Variants in CSMD1 observed in about 807,000 individuals in gnomAD.
CSMD1 encodes CUB and sushi domain-containing protein 1.
Under a neutral mutation model 417.5 loss-of-function variants are expected in CSMD1, and 213 were observed. The observed-to-expected ratio is 0.51, with a 90% CI of 0.46 to 0.57. The LOEUF (loss-of-function observed/expected upper bound fraction) is 0.57. Among genes scored for constraint, CSMD1 ranks in the 20% least tolerant of loss-of-function variants. The probability of loss-of-function intolerance (pLI) is 0.00; values close to 1 mark genes in which losing one functional copy is unlikely to be tolerated. For synonymous variants in CSMD1, 2,862 were observed against 1,736.8 expected (o/e 1.65, Z -16.11); for missense variants, 6,923 against 4,529.7 (o/e 1.53, Z -15.17).
chr8:3,097,250 C>G (rs569136243), intron 46 of CSMD1, among the ~76,000 whole-genome samples: 1 of 152,174 alleles, frequency 6.6e-6, no homozygotes, highest in South Asian at 2.1e-4. Flanking sequence ...TCTCTACACT[C>G]AGCCTGCACA....
rs367650533 is a variant in CSMD1 at position 3,556,392 on chromosome 8, AAT to A, written c.1344+18551_1344+18552del. Among the ~76,000 whole-genome samples, 503 of 120,424 alleles carry A rather than the reference AAT, an allele frequency of 4.2e-3. 17 individuals carry two copies. The highest frequency in any genetic ancestry group is 8.7e-3 in the African/African-American group (264 of 30,428). 79.0% of individuals were successfully genotyped at this position (120,424 alleles called of 152,430 possible). On this transcript the variant is annotated intron_variant, in intron 10 of 69. Coordinates refer to ENST00000635120, the MANE Select transcript of CSMD1 (RefSeq NM_033225.6). ...AAGATTTTTAAAATTTATAATAATTAATATATATATATATATATATATTCACA... is the reference window on the plus strand; with the variant it reads ...AAGATTTTTAAAATTTATAATAATTAATATATATATATATATATATTCACA...
At chr8:3,546,803 G>A (rs1798686038) in intron 10 of CSMD1, among the ~76,000 whole-genome samples, 1 of 152,162 alleles carries the variant, frequency 6.6e-6, no homozygotes. Flanking sequence ...GCAGCTCCCT[G>A]AAGAACATCA....
chr8:3,974,158 A>G (rs1813263085), intron 5 of CSMD1, among the ~76,000 whole-genome samples: 1 of 152,156 alleles, frequency 6.6e-6, no homozygotes, highest in South Asian at 2.1e-4. Context: ...ACATGTACAG[A>G]GGCACTCGCA....
chr8:4,110,098 A>G (rs1278985053), intron 3 of CSMD1, among the ~76,000 whole-genome samples: 2 of 152,180 alleles, frequency 1.3e-5, no homozygotes, highest in South Asian at 2.1e-4. Context: ...TTCCTCCAGC[A>G]TGGAAATAAC....
rs1019795044 is a variant in CSMD1, at chr8:2,942,533, T to C, written c.10474A>G (p.Ile3492Val). Reference sequence around the variant, plus strand: ...ATTAGAGCAAAGAAAGGAACCAGAATGGCAGCCGCCACAGAGCCACTGCTG... The same window carrying C: ...ATTAGAGCAAAGAAAGGAACCAGAACGGCAGCCGCCACAGAGCCACTGCTG... ...GTSSGSVAAA[I>V]LVPFFALILS... Residue 3492 changes from isoleucine to valine, a missense_variant, in exon 69 of 70, where the codon ATT (isoleucine) becomes GTT (valine). Coordinates refer to ENST00000635120, the MANE Select transcript of CSMD1 (RefSeq NM_033225.6). The C allele has an allele frequency of 1.9e-6, 3 of 1,605,966 alleles. No individual in the cohort carries two copies. The highest frequency in any genetic ancestry group is 2.7e-5 in the African/African-American group (2 of 74,756).
chr8:3,387,384 G>A lies in CSMD1; in HGVS notation c.2782+110C>T, dbSNP rs1811069780. 4 of 832,446 alleles carry A rather than the reference G, an allele frequency of 4.8e-6. No homozygotes were observed. The South Asian group carries it at 5.6e-5, about 12-fold the overall frequency. The allele number at this position is 832,446 out of a possible 1,614,324, so 51.6% of individuals were successfully genotyped here. ...ATACAACTTCTCAGAGGGAACTCAC[G>A]CCAGTCGTAAGGTACCACCCCCTGA... On this transcript the variant is annotated intron_variant, in intron 18 of 69. Transcript: ENST00000635120.
intron 52 of CSMD1, among the ~76,000 whole-genome samples, chr8:3,011,581 A>C (rs1474697161): frequency 6.6e-6 from 1 of 152,226 alleles, no homozygotes; most frequent in African/African-American, 2.4e-5. Flanking sequence ...TCATCTCCTC[A>C]TGGTTATAAT....
intron 1 of CSMD1, among the ~76,000 whole-genome samples, chr8:4,923,505 T>C (rs1167612898): frequency 6.7e-6 from 1 of 148,210 alleles, no homozygotes; most frequent in Non-Finnish European, 1.5e-5. Context: ...TCTCTAAATA[T>C]AAATAAACAC....
At chr8:4,585,184 T>C (rs1285878647) in intron 2 of CSMD1, among the ~76,000 whole-genome samples, 2 of 150,422 alleles carry the variant, frequency 1.3e-5, no homozygotes, top group Non-Finnish European at 2.9e-5. Context: ...ATAACTGTGA[T>C]TAATATGTTC....
intron 3 of CSMD1, among the ~76,000 whole-genome samples, chr8:4,041,307 G>A (rs561534676): frequency 2.6e-5 from 4 of 152,154 alleles, no homozygotes; most frequent in African/African-American, 7.2e-5. Flanking sequence ...GTGAGCCACC[G>A]CGCCTGGCCG....
intron 3 of CSMD1, among the ~76,000 whole-genome samples, chr8:4,183,905 C>G (rs368815469): frequency 1.3e-5 from 2 of 152,134 alleles, no homozygotes; most frequent in East Asian, 1.9e-4. Context: ...TTGGCCACAG[C>G]TTGGGGCAGC....
At chr8:3,089,646 G>C (rs964734959) in intron 48 of CSMD1, among the ~76,000 whole-genome samples, 1 of 152,156 alleles carries the variant, frequency 6.6e-6, no homozygotes, top group African/African-American at 2.4e-5. Flanking sequence ...TACTGATGCT[G>C]ACCTAGCAGA....
intron 1 of CSMD1, among the ~76,000 whole-genome samples, chr8:4,725,488 T>C (rs1256202692): frequency 6.6e-6 from 1 of 152,176 alleles, no homozygotes; most frequent in Non-Finnish European, 1.5e-5. Context: ...CATAGTTACG[T>C]GAGCTCCACA....
intron 5 of CSMD1, among the ~76,000 whole-genome samples, chr8:3,911,043 C>T (rs1808425685): frequency 1.3e-5 from 2 of 152,002 alleles, no homozygotes; most frequent in South Asian, 4.1e-4. Flanking sequence ...CCTCTGGGGA[C>T]ACTCCAGAAC....
chr8:4,064,466 CTG>C (rs1172268671), intron 3 of CSMD1, among the ~76,000 whole-genome samples: 1 of 152,194 alleles, frequency 6.6e-6, no homozygotes, highest in Non-Finnish European at 1.5e-5. Context: ...TATATCAAAA[CTG>C]TAGCTGTCTA....
At chr8:3,512,531 G>C (rs1797119611) in intron 10 of CSMD1, among the ~76,000 whole-genome samples, 1 of 108,450 alleles carries the variant, frequency 9.2e-6, no homozygotes, top group Admixed American at 1.1e-4. Context: ...GGGCTGGTGG[G>C]CTGGTGGGTG....
chr8:4,359,922 G>T (rs746508167), intron 3 of CSMD1, among the ~76,000 whole-genome samples: 1 of 152,112 alleles, frequency 6.6e-6, no homozygotes, highest in Admixed American at 6.6e-5. Context: ...AAACATCAAC[G>T]TTCAGTGAAA....
chr8:3,180,187 G>C (rs1401057731), intron 37 of CSMD1, among the ~76,000 whole-genome samples: 1 of 152,132 alleles, frequency 6.6e-6, no homozygotes, highest in African/African-American at 2.4e-5. Flanking sequence ...GCTTTTACAA[G>C]GTTTACCTGC....
intron 1 of CSMD1, among the ~76,000 whole-genome samples, chr8:4,915,543 G>A (rs62488171): frequency 0.048 from 7,242 of 152,254 alleles, 293 homozygotes; most frequent in Non-Finnish European, 0.065. Context: ...ACGGCTCTGA[G>A]GTGTCATGGA....
Sources: gnomAD v4.1 joint callset for allele counts (sites outside exome capture counted in the v4.1 genomes callset) on GRCh38, gnomAD v4.1.1 for gene constraint, MANE v1.5 for transcripts, NCBI Gene and HGNC (gene_info 2026-07-23, HGNC 2026-07-21) for gene names.